Variants in PSPC1 observed in about 807,000 individuals in gnomAD.
PSPC1 encodes the protein paraspeckle component 1, also known as paraspeckle protein 1.
A neutral mutation model predicts 51.6 loss-of-function variants in PSPC1; 14 were observed. That is an observed-to-expected ratio of 0.27 (90% confidence interval 0.18 to 0.42). The LOEUF is 0.42. Ranked by LOEUF, PSPC1 falls within the 10% of genes least tolerant of loss-of-function variation. The pLI is 1.00. For missense variants in PSPC1, 406 were observed against 701.1 expected, an observed-to-expected ratio of 0.58 and a Z score of 4.75; for synonymous variants, 193 against 231.9, an observed-to-expected ratio of 0.83 and a Z score of 1.53.
Position 19,772,372 on chromosome 13 carries a change from C to G in PSPC1, c.544G>C (p.Val182Leu), listed in dbSNP as rs372096075. Residue 182 changes from valine to leucine, a missense_variant, in exon 2 of 9, where the codon GTA becomes CTA. Around this residue, in one of 5 missense-constraint regions of PSPC1, gnomAD observed 180 missense variants for 337.9 expected, o/e 0.53. Transcript: ENST00000338910. ...TCCACAACCACAACAGCTTTCTCTACTGGACCAAACTGAGAAAATGCTTGC... is the reference window on the plus strand; with the variant it reads ...TCCACAACCACAACAGCTTTCTCTAGTGGACCAAACTGAGAAAATGCTTGC... ...LEQAFSQFGP[V>L]EKAVVVVDDR... is the part of the protein sequence containing the mutation. 31 of 1,614,096 alleles carry G rather than the reference C, an allele frequency of 1.9e-5. No individual in the cohort carries two copies. Among genetic ancestry groups the G allele is most frequent in the Non-Finnish European group, 2.5e-5 (30 of 1,180,048 alleles).
At chr13:19,754,187 C>G (rs755765404) in intron 3 of PSPC1, among the ~76,000 whole-genome samples, 24 of 151,700 alleles carry the variant, frequency 1.6e-4, no homozygotes, top group Admixed American at 1.6e-3. Flanking sequence ...TGGGTTCAAG[C>G]GATTCTCCTG....
At chr13:19,682,979 G>A (rs1352083284) in intron 6 of PSPC1, among the ~76,000 whole-genome samples, 4 of 151,964 alleles carry the variant, frequency 2.6e-5, no homozygotes, top group Non-Finnish European at 4.4e-5. Context: ...GAGACTGGAG[G>A]ATGGTTTATG....
chr13:19,757,437 T>C (rs1484415111), intron 3 of PSPC1, among the ~76,000 whole-genome samples: 1 of 152,148 alleles, frequency 6.6e-6, no homozygotes, highest in Non-Finnish European at 1.5e-5. Context: ...CAAGTCAGCA[T>C]GAAGCAGTTA....
chr13:19,724,240 A>G (rs1226933832), intron 6 of PSPC1, among the ~76,000 whole-genome samples: 5 of 152,226 alleles, frequency 3.3e-5, no homozygotes, highest in Non-Finnish European at 7.3e-5. Context: ...TTCACAAACC[A>G]TTTCAGAAAA....
In PSPC1 at chr13:19,771,298, C is replaced by T. The variant is rs776306566; in HGVS notation, c.674+944G>A. 1.6e-4 allele frequency among the ~76,000 whole-genome samples: 24 copies of T among 152,160 alleles called. No homozygotes were observed. The Middle Eastern group carries it at 0.01, about 65-fold the overall frequency. ...GATTACAGGCACGCAGCACCAAGCC[C>T]GGCTAATTCCTCATATTTTTAGTAG... is the stretch of plus-strand genomic sequence containing the variant. On this transcript the variant is annotated intron_variant, in intron 2 of 8. Transcript: ENST00000338910.
rs564753245 is a variant in PSPC1 at position 19,759,664 on chromosome 13, C to A, written c.675-246G>T. 7.9e-5 allele frequency among the ~76,000 whole-genome samples: 12 copies of A among 152,148 alleles called. No individual in the cohort carries two copies. In the South Asian group the frequency reaches 1.9e-3, roughly 24 times the overall value. On this transcript the variant is annotated intron_variant, in intron 2 of 8. Coordinates refer to ENST00000338910, the MANE Select transcript of PSPC1 (RefSeq NM_001354909.2). ...TCATTTGAGGTCAGGAGTTCAAGACCATCCAGGCCAACATGGTGAAATTCC... is the reference window on the plus strand; with the variant it reads ...TCATTTGAGGTCAGGAGTTCAAGACAATCCAGGCCAACATGGTGAAATTCC...
intron 6 of PSPC1, among the ~76,000 whole-genome samples, chr13:19,727,563 C>A (rs780220468): frequency 2.0e-5 from 3 of 152,070 alleles, no homozygotes; most frequent in Non-Finnish European, 2.9e-5. Context: ...TTAACATTTT[C>A]CCAAGAAGCA....
intron 2 of PSPC1, among the ~76,000 whole-genome samples, chr13:19,771,778 G>A (rs901932992): frequency 5.3e-5 from 8 of 151,940 alleles, no homozygotes; most frequent in African/African-American, 1.7e-4. Context: ...GCACCACCAC[G>A]CCCGGCTAAT....
intron 6 of PSPC1, among the ~76,000 whole-genome samples, chr13:19,686,701 G>C (rs1877926764): frequency 6.6e-6 from 1 of 152,112 alleles, no homozygotes; most frequent in Non-Finnish European, 1.5e-5. Context: ...AGTATTTGAA[G>C]GCTGTTGATT....
chr13:19,762,977 T>C (rs1345783420), intron 2 of PSPC1, among the ~76,000 whole-genome samples: 3 of 151,390 alleles, frequency 2.0e-5, no homozygotes, highest in Non-Finnish European at 4.4e-5. Context: ...TGGTGGTACA[T>C]GCCTGTAGTC....
chr13:19,701,882 T>A (rs1436380854), downstream of PSPC1, among the ~76,000 whole-genome samples: 1 of 152,228 alleles, frequency 6.6e-6, no homozygotes, highest in Non-Finnish European at 1.5e-5. Context: ...TATGATTCCT[T>A]AAATGTAATT....
downstream of PSPC1, among the ~76,000 whole-genome samples, chr13:19,697,700 A>C (rs912472253): frequency 6.6e-5 from 10 of 152,282 alleles, no homozygotes; most frequent in African/African-American, 2.4e-4. Context: ...AACACCAAAA[A>C]GGTCAGAAAT....
At chr13:19,730,958 A>AC (rs1344337925) in intron 5 of PSPC1, among the ~76,000 whole-genome samples, 4 of 31,512 alleles carry the variant, frequency 1.3e-4, no homozygotes, top group African/African-American at 3.5e-4. Flanking sequence ...AAAAAAAAAC[A>AC]AAAAAACAAA....
At chr13:19,739,302 G>C (rs146632142) in intron 5 of PSPC1, among the ~76,000 whole-genome samples, 1 of 151,992 alleles carries the variant, frequency 6.6e-6, no homozygotes, top group Non-Finnish European at 1.5e-5. Flanking sequence ...CCCTCATATT[G>C]TTTGGTTTTA....
At chr13:19,734,963 G>T (rs1412240558) in intron 5 of PSPC1, among the ~76,000 whole-genome samples, 1 of 150,544 alleles carries the variant, frequency 6.6e-6, no homozygotes, top group Non-Finnish European at 1.5e-5. Context: ...GAGCGACAGA[G>T]CGAGACTCCG....
intron 5 of PSPC1, among the ~76,000 whole-genome samples, chr13:19,733,226 T>A (rs1475612213): frequency 6.6e-6 from 1 of 152,154 alleles, no homozygotes; most frequent in Non-Finnish European, 1.5e-5. Flanking sequence ...AAGAAACACA[T>A]CTGTTACAGA....
At chr13:19,699,100 A>T (rs1484689918), downstream of PSPC1, among the ~76,000 whole-genome samples, 1 of 151,988 alleles carries the variant, frequency 6.6e-6, no homozygotes, top group Non-Finnish European at 1.5e-5. Flanking sequence ...ACAAGCTTCA[A>T]ATTTCAATCA....
Position 19,782,783 on chromosome 13 carries a change from G to C in PSPC1, c.-26C>G. 3 of 1,516,998 alleles carry C rather than the reference G, an allele frequency of 2.0e-6. No homozygotes were observed. Among genetic ancestry groups the C allele is most frequent in the Middle Eastern group, 1.8e-4 (1 of 5,472 alleles). 94.0% of individuals were successfully genotyped at this position (1,516,998 alleles called of 1,614,324 possible). ...CTTACTGAGTTCGCCTCGGACACCG[G>C]ATACAGGCCTAGATTTATAGACAGT... On this transcript the variant is annotated 5_prime_UTR_variant, in exon 1 of 9. It adds an upstream start codon to the 5' untranslated region. Coordinates refer to ENST00000338910, the MANE Select transcript of PSPC1 (RefSeq NM_001354909.2). This position sits in a 1 kb window ranked among gnomAD's most constrained non-coding sequence, Gnocchi z 4.5.
At chr13:19,759,092 G>A (rs150589876) in intron 3 of PSPC1, among the ~76,000 whole-genome samples, 1,784 of 152,070 alleles carry the variant, frequency 0.012, 36 homozygotes, top group African/African-American at 0.039. Context: ...AGAGATTACA[G>A]GGAGCCAAGA....
Sources: allele counts gnomAD v4.1 joint callset (sites outside exome capture counted in the v4.1 genomes callset), GRCh38; gene constraint gnomAD v4.1.1; regional missense constraint gnomAD v4.1.1; non-coding constraint Gnocchi (gnomAD v3.1); transcripts MANE v1.5; gene names NCBI Gene and HGNC (gene_info 2026-07-23, HGNC 2026-07-21).